The following SPPL2B variants were observed in gnomAD, a reference collection of about 807,000 sequenced individuals.
SPPL2B encodes signal peptide peptidase like 2B.
SPPL2B carries 39 observed loss-of-function variants against 59.7 expected under a neutral mutation model. That is an observed-to-expected ratio of 0.65 (90% CI 0.51 to 0.85). The LOEUF (loss-of-function observed/expected upper bound fraction) is 0.85. Ranked by LOEUF, SPPL2B falls within the 40% of genes least tolerant of loss-of-function variation. The pLI, the probability that SPPL2B is intolerant of heterozygous loss-of-function variation, is 0.00. For missense variants in SPPL2B, 865 were observed against 849.0 expected (o/e 1.02, Z -0.23); for synonymous variants, 419 against 370.8 (o/e 1.13, Z -1.49).
chr19:2,351,316 C>A, intron 13 of SPPL2B, 118 bp from the exon 14 acceptor site: 1 of 793,560 alleles, frequency 1.3e-6, no homozygotes, highest in Non-Finnish European at 2.0e-6. Context: ...CACTGTACCT[C>A]TCCCGTCCTC....
Position 2,334,661 on chromosome 19 carries a change from A to T in SPPL2B, c.126A>T (p.Lys42Asn). 1 of 1,613,128 alleles carries T rather than the reference A, an allele frequency of 6.2e-7. No individual in the cohort carries two copies. ...VVSQAGGPEG[K>N]DYCILYNPQW... The stretch of plus-strand genomic sequence containing the variant: ...CCCAGGCCGGGGGCCCCGAAGGCAA[A>T]GACTACTGCATCCTCTACAACCCGC... The change falls in exon 2 of 15, where the codon AAA (lysine) becomes AAT (asparagine). Residue 42 changes from lysine (K) to asparagine (N), a missense_variant. Coordinates refer to ENST00000613503, the MANE Select transcript of SPPL2B (RefSeq NM_152988.3).
At chr19:2,337,200 A>G (rs1968699974) in intron 2 of SPPL2B, 1 of 416,664 alleles carries the variant, frequency 2.4e-6, no homozygotes, top group Non-Finnish European at 4.3e-6. Flanking sequence ...CTCAGGTATC[A>G]GGGGACAGCC....
In SPPL2B at chr19:2,337,541, G is replaced by T. The variant is rs1311812749; in HGVS notation, c.285G>T (p.Arg95=). ...GFSNQIPLVA[R]GNCTFYEKVR... ...GCAACCAGATCCCGCTGGTGGCGCG[G>T]GGGAACTGCACCTTCTATGAGAAAG... The change falls in exon 3 of 15, where the codon CGG becomes CGT. Residue 95 remains arginine (R), a synonymous_variant. Transcript: ENST00000613503. 2 of 1,612,888 alleles carry T rather than the reference G, an allele frequency of 1.2e-6. No individual in the cohort carries two copies. Among genetic ancestry groups the T allele is most frequent in the Non-Finnish European group, 1.7e-6 (2 of 1,179,684 alleles).
intron 1 of SPPL2B, among the ~76,000 whole-genome samples, 176 bp from the exon 2 acceptor site, chr19:2,334,426 C>A (rs1968444072): frequency 6.6e-6 from 1 of 152,236 alleles, no homozygotes; most frequent in Non-Finnish European, 1.5e-5. Flanking sequence ...TTGCTGTAAA[C>A]CACGTATGGT....
chr19:2,346,909 G>A (rs1969398266), intron 13 of SPPL2B, among the ~76,000 whole-genome samples: 1 of 152,248 alleles, frequency 6.6e-6, no homozygotes, highest in South Asian at 2.1e-4. Flanking sequence ...GAAATACAGA[G>A]ATGGGTGTTA....
At chr19:2,337,900 C>T (rs1250412399) in intron 3 of SPPL2B, 3 of 402,696 alleles carry the variant, frequency 7.4e-6, no homozygotes, top group Non-Finnish European at 1.3e-5. Flanking sequence ...GAGCAGCCCC[C>T]AGGGGTGACG....
chr19:2,340,164 C>T lies in SPPL2B; in HGVS notation c.831C>T (p.Gly277=). The T allele has an allele frequency of 6.4e-7, 1 of 1,569,414 alleles. No homozygotes were observed. Among genetic ancestry groups the T allele is most frequent in the Non-Finnish European group, 8.6e-7 (1 of 1,164,886 alleles). Residue 277 remains glycine (G), a synonymous_variant, in exon 7 of 15, where the codon GGC becomes GGT. Coordinates refer to ENST00000613503, the MANE Select transcript of SPPL2B (RefSeq NM_152988.3). ...CCTGTGTGCGGCGGCTGCCCTTCGG[C>T]AAGTGCAGGTGAGTCTGCCCTGCTG... is the stretch of plus-strand genomic sequence containing the variant. The part of the protein sequence containing the change: ...LAPCVRRLPF[G]KCRIPNNSLP...
In SPPL2B at chr19:2,341,010, G is replaced by A; in HGVS notation, c.952G>A (p.Asp318Asn). 6.2e-7 allele frequency: 1 copy of A among 1,602,870 alleles called. No homozygotes were observed. Among genetic ancestry groups the A allele is most frequent in the Non-Finnish European group, 8.5e-7 (1 of 1,178,604 alleles). Residue 318 changes from aspartate (D) to asparagine (N), a missense_variant, in exon 8 of 15, where the codon GAC (aspartate) becomes AAC (asparagine). By Grantham distance (23) the Asp-to-Asn change is conservative. Coordinates refer to ENST00000613503, the MANE Select transcript of SPPL2B (RefSeq NM_152988.3). ...GGTGTGGGGCGTCTTCCGCAACGAG[G>A]ACCAGTAAGTGCTGCTTCCCCCGGG... ...SVVWGVFRNE[D>N]QWAWVLQDAL...
intron 9 of SPPL2B, 104 bp downstream of exon 9, chr19:2,343,396 G>A (rs2145175512): frequency 4.1e-6 from 4 of 980,482 alleles, no homozygotes; most frequent in Admixed American, 4.1e-5. Context: ...CTGTGCTCCT[G>A]CTCACTGCCC....
chr19:2,343,114 C>A, intron 8 of SPPL2B, 97 bp from the exon 9 acceptor site: 2 of 960,356 alleles, frequency 2.1e-6, no homozygotes, highest in South Asian at 1.4e-5. Flanking sequence ...GGGCTGCGTG[C>A]TGGCTGAGAG....
chr19:2,329,135 C>T (rs948538004), intron 1 of SPPL2B, among the ~76,000 whole-genome samples: 4 of 152,240 alleles, frequency 2.6e-5, no homozygotes, highest in Admixed American at 2.0e-4. Flanking sequence ...GGCGGCTGCC[C>T]ACCCCTCTCC....
intron 13 of SPPL2B, among the ~76,000 whole-genome samples, chr19:2,350,519 C>T (rs1001077025): frequency 1.3e-5 from 2 of 152,258 alleles, no homozygotes; most frequent in African/African-American, 4.8e-5. Flanking sequence ...TCTCCACACA[C>T]ACACTCACGC....
At chr19:2,339,573 C>A in intron 5 of SPPL2B, 1 of 595,754 alleles carries the variant, frequency 1.7e-6, no homozygotes, top group South Asian at 2.0e-5. Context: ...GCGGTTGCTG[C>A]CCACACGCCA....
chr19:2,344,105 C>T (rs563388437), intron 10 of SPPL2B, 66 bp downstream of exon 10: 4 of 1,019,632 alleles, frequency 3.9e-6, no homozygotes, highest in African/African-American at 2.0e-5. Flanking sequence ...CAACCCCCGC[C>T]CCATCACCCC....
At chr19:2,329,631 T>C (rs1355737125) in intron 1 of SPPL2B, among the ~76,000 whole-genome samples, 2 of 152,164 alleles carry the variant, frequency 1.3e-5, no homozygotes, top group Non-Finnish European at 2.9e-5. Context: ...GAGTTCTCAC[T>C]CTTAAGGCGT....
At chr19:2,329,015 C>G (rs991054082) in intron 1 of SPPL2B, among the ~76,000 whole-genome samples, 1 of 152,232 alleles carries the variant, frequency 6.6e-6, no homozygotes, top group African/African-American at 2.4e-5. Flanking sequence ...CCACTCACTT[C>G]CCACCGGGTC....
In SPPL2B at chr19:2,340,116, C is replaced by T. The variant is rs750339570; in HGVS notation, c.783C>T (p.Thr261=). The T allele has an allele frequency of 1.9e-5, 31 of 1,594,202 alleles. No individual in the cohort carries two copies. The South Asian group carries it at 2.0e-4, about 10-fold the overall frequency. ...VIGIFCLASA[T]GLYSCLAPCV... ...GGATCTTCTGCCTGGCCTCCGCCAC[C>T]GGCCTCTACAGCTGCCTGGCGCCCT... The change falls in exon 7 of 15, where the codon ACC becomes ACT. Residue 261 remains threonine, a synonymous_variant. Coordinates refer to ENST00000613503, the MANE Select transcript of SPPL2B (RefSeq NM_152988.3).
chr19:2,334,147 G>A (rs1461856265), intron 1 of SPPL2B, among the ~76,000 whole-genome samples: 3 of 152,190 alleles, frequency 2.0e-5, no homozygotes, highest in African/African-American at 7.2e-5. Flanking sequence ...CCAGACCTGA[G>A]GGGTGCAGAG....
chr19:2,335,265 C>T (rs867823911), intron 2 of SPPL2B, among the ~76,000 whole-genome samples: 97 of 148,064 alleles, frequency 6.6e-4, no homozygotes, highest in African/African-American at 2.4e-3. Context: ...TCCTTCAGGC[C>T]CCGCCTCCTT....
Sources: allele counts gnomAD v4.1 joint callset (sites outside exome capture counted in the v4.1 genomes callset), GRCh38; gene constraint gnomAD v4.1.1; transcripts MANE v1.5; gene names NCBI Gene and HGNC (gene_info 2026-07-23, HGNC 2026-07-21).